The following CATSPERE variants were observed in gnomAD, a reference collection of about 807,000 sequenced individuals.
CATSPERE encodes cation channel sperm-associated auxiliary subunit epsilon.
Under a neutral mutation model 114.1 loss-of-function variants are expected in CATSPERE, and 93 were observed. The ratio of observed to expected loss-of-function variants is 0.81; its 90% CI spans 0.69 to 0.97. The LOEUF (loss-of-function observed/expected upper bound fraction) is 0.97, where lower values mean the gene tolerates loss of function less well. Among genes scored for constraint, CATSPERE ranks in the 50% least tolerant of loss-of-function variants. The probability of loss-of-function intolerance (pLI) is 0.00; values close to 1 mark genes in which losing one functional copy is unlikely to be tolerated. For missense variants in CATSPERE, 1,058 were observed against 1,131.6 expected (o/e 0.93, Z 0.93); for synonymous variants, 341 against 384.1 (o/e 0.89, Z 1.31).
intron 9 of CATSPERE, among the ~76,000 whole-genome samples, chr1:244,553,523 G>T (rs1219698316): frequency 1.4e-5 from 2 of 148,050 alleles, no homozygotes; most frequent in Non-Finnish European, 3.0e-5. Flanking sequence ...GGAGCTTGCA[G>T]TGAGCCGAGA....
chr1:244,519,720 A>G (rs1353150346), intron 8 of CATSPERE, among the ~76,000 whole-genome samples: 1 of 152,228 alleles, frequency 6.6e-6, no homozygotes, highest in East Asian at 1.9e-4. Context: ...TGGAATAAGC[A>G]GGTTAGAAAA....
At chr1:244,558,103 AC>A (rs1267678348) in intron 9 of CATSPERE, among the ~76,000 whole-genome samples, 1 of 146,998 alleles carries the variant, frequency 6.8e-6, no homozygotes. Context: ...GGCATGAGCC[AC>A]CATGCCCAGG....
chr1:244,629,632 C>A (rs995490324), intron 20 of CATSPERE, among the ~76,000 whole-genome samples: 2 of 149,738 alleles, frequency 1.3e-5, no homozygotes, highest in Non-Finnish European at 3.0e-5. Flanking sequence ...GCAGGCTTGG[C>A]ATTGTCTCCT....
At chr1:244,565,910 T>C (rs1357203184) in intron 10 of CATSPERE, among the ~76,000 whole-genome samples, 1 of 152,192 alleles carries the variant, frequency 6.6e-6, no homozygotes, top group Non-Finnish European at 1.5e-5. Flanking sequence ...CTTCTCTAGT[T>C]CTTTTAATTG....
chr1:244,552,082 A>AAAAAAAAAG (rs1660744499), intron 8 of CATSPERE, among the ~76,000 whole-genome samples: 1 of 151,250 alleles, frequency 6.6e-6, no homozygotes, highest in Non-Finnish European at 1.5e-5. Context: ...AAAAAAAAAA[A>AAAAAAAAAG]AAAAAGAATC....
chr1:244,613,003 A>G (rs901464050), intron 19 of CATSPERE, among the ~76,000 whole-genome samples: 1 of 152,236 alleles, frequency 6.6e-6, no homozygotes, highest in Non-Finnish European at 1.5e-5. Context: ...GTCAGCAGGT[A>G]TCATCATTCA....
At chr1:244,454,797 A>G (rs1174959353) in intron 1 of CATSPERE, among the ~76,000 whole-genome samples, 1 of 152,108 alleles carries the variant, frequency 6.6e-6, no homozygotes, top group African/African-American at 2.4e-5. Context: ...TCTGTAGTGG[A>G]TAGATGGGTG....
chr1:244,533,122 C>A (rs1558444909), intron 8 of CATSPERE, among the ~76,000 whole-genome samples: 3 of 151,332 alleles, frequency 2.0e-5, no homozygotes, highest in Non-Finnish European at 2.9e-5. Flanking sequence ...TTATTTGTCT[C>A]TTTTTGTGGT....
At chr1:244,485,189 T>C (rs200242170) in intron 5 of CATSPERE, among the ~76,000 whole-genome samples, 9 of 146,822 alleles carry the variant, frequency 6.1e-5, no homozygotes, top group East Asian at 2.0e-4. Context: ...TCTTTTTTTT[T>C]CTTTTTTTTT....
upstream of CATSPERE, chr1:244,451,712 C>A (rs1393063758): frequency 6.2e-7 from 1 of 1,611,612 alleles, no homozygotes; most frequent in East Asian, 2.2e-5. The surrounding 1 kb of genome is among the most constrained non-coding windows in gnomAD (Gnocchi z 6.6). Context: ...CCCCACTGCG[C>A]ACCGAGCACC....
intron 17 of CATSPERE, among the ~76,000 whole-genome samples, chr1:244,600,719 G>A (rs1436484162): frequency 1.3e-5 from 2 of 150,698 alleles, no homozygotes; most frequent in Non-Finnish European, 1.5e-5. Context: ...AGAGATATAG[G>A]ATCCTCACTG....
rs748235947 is a variant in CATSPERE at position 244,552,303 on chromosome 1, CTT to C, written c.537-16_537-15del. The C allele has an allele frequency of 3.2e-6, 5 of 1,574,160 alleles. No individual in the cohort carries two copies. The highest frequency in any genetic ancestry group is 4.3e-6 in the Non-Finnish European group (5 of 1,163,208). ...GATGAGAGAGAGATCATTTTATTCT[CTT>C]TTCTTTCTCTTCTTAGGACCTGGCG... is the stretch of plus-strand genomic sequence containing the variant. On this transcript the variant is annotated splice_polypyrimidine_tract_variant and intron_variant, in intron 8 of 21. Coordinates refer to ENST00000366534, the MANE Select transcript of CATSPERE (RefSeq NM_001130957.2).
intron 8 of CATSPERE, among the ~76,000 whole-genome samples, chr1:244,534,004 T>A (rs907679225): frequency 6.6e-6 from 1 of 152,140 alleles, no homozygotes; most frequent in African/African-American, 2.4e-5. Context: ...TTCTCCTTCA[T>A]GTTTGAAGGA....
intron 13 of CATSPERE, among the ~76,000 whole-genome samples, chr1:244,586,503 G>T (rs1667044635): frequency 2.6e-5 from 4 of 152,136 alleles, no homozygotes; most frequent in Admixed American, 1.3e-4. Flanking sequence ...TGGGTAGTGT[G>T]GTTGGGAGAA....
intron 21 of CATSPERE, among the ~76,000 whole-genome samples, chr1:244,639,588 G>T (rs61842415): frequency 4.1e-3 from 622 of 151,918 alleles, no homozygotes; most frequent in Middle Eastern, 6.8e-3. Flanking sequence ...TGCTTGGGAG[G>T]CTGAAGCAGG....
At chr1:244,523,467 G>C (rs1253442416) in intron 8 of CATSPERE, among the ~76,000 whole-genome samples, 35 of 136,360 alleles carry the variant, frequency 2.6e-4, no homozygotes, top group African/African-American at 1.0e-3. Flanking sequence ...ATTCAACATA[G>C]TGTTGGAAGT....
intron 20 of CATSPERE, among the ~76,000 whole-genome samples, chr1:244,630,736 T>C (rs1673830284): frequency 2.0e-5 from 3 of 152,284 alleles, no homozygotes. Context: ...CTCAATGCCA[T>C]GGTGAAAGGA....
At chr1:244,570,713 T>C (rs896606044) in intron 10 of CATSPERE, among the ~76,000 whole-genome samples, 1 of 152,200 alleles carries the variant, frequency 6.6e-6, no homozygotes, top group South Asian at 2.1e-4. Flanking sequence ...AAAGCAAATA[T>C]TGGGAACATC....
At chr1:244,530,896 C>A (rs909521949) in intron 8 of CATSPERE, among the ~76,000 whole-genome samples, 7 of 151,902 alleles carry the variant, frequency 4.6e-5, no homozygotes, top group African/African-American at 1.7e-4. Context: ...TATATCAGTT[C>A]TAATAGTTTT....
Sources: allele counts gnomAD v4.1 joint callset (sites outside exome capture counted in the v4.1 genomes callset), GRCh38; gene constraint gnomAD v4.1.1; non-coding constraint Gnocchi (gnomAD v3.1); transcripts MANE v1.5; gene names NCBI Gene and HGNC (gene_info 2026-07-23, HGNC 2026-07-21).